FRMD3: variants seen among roughly 807,000 people sequenced by gnomAD.
FRMD3 encodes FERM domain containing 3.
In FRMD3, 33 loss-of-function variants were observed where a neutral mutation model predicts 70.2. That is an observed-to-expected ratio of 0.47 (90% CI 0.36 to 0.63). The LOEUF is 0.63. FRMD3 is among the 20% of genes least tolerant of loss of function. The pLI is 0.00. For synonymous variants in FRMD3, 279 were observed against 255.9 expected (o/e 1.09, Z -0.86); for missense variants, 632 against 711.4 (o/e 0.89, Z 1.27).
chr9:83,278,246 A>C (rs1833858687), intron 13 of FRMD3, among the ~76,000 whole-genome samples: 1 of 152,190 alleles, frequency 6.6e-6, no homozygotes, highest in African/African-American at 2.4e-5. Flanking sequence ...AACGGGAAAC[A>C]GTCTGAGGGG....
chr9:83,389,628 G>C lies in FRMD3; in HGVS notation c.228C>G (p.Arg76=). 1 of 1,613,592 alleles carries C rather than the reference G, an allele frequency of 6.2e-7. No homozygotes were observed. The highest frequency in any genetic ancestry group is 1.3e-5 in the African/African-American group (1 of 75,000). The change falls in exon 2 of 14, where the codon CGC becomes CGG. Residue 76 remains arginine, a synonymous_variant. Coordinates refer to ENST00000304195, the MANE Select transcript of FRMD3 (RefSeq NM_174938.6). The part of the protein sequence containing the change: ...SLLEKDYFGI[R]YVDPEKQRHW... ...CCCTTTGCTTCTCTGGGTCCACATA[G>C]CGAATGCCAAAGTAGTCCTTCTCCA...
intron 1 of FRMD3, among the ~76,000 whole-genome samples, chr9:83,398,382 C>CTA (rs1825862600): frequency 6.6e-6 from 1 of 152,096 alleles, no homozygotes; most frequent in Non-Finnish European, 1.5e-5. Context: ...AATATTAAAG[C>CTA]TATTTAAATG....
At chr9:83,350,191 A>C (rs1031065359) in intron 3 of FRMD3, among the ~76,000 whole-genome samples, 6 of 152,234 alleles carry the variant, frequency 3.9e-5, no homozygotes, top group African/African-American at 1.4e-4. Context: ...ATGTCACTGC[A>C]CATGACTAGT....
chr9:83,471,434 C>T (rs1828265809), intron 1 of FRMD3, among the ~76,000 whole-genome samples: 1 of 152,140 alleles, frequency 6.6e-6, no homozygotes, highest in Non-Finnish European at 1.5e-5. Context: ...GTTCCTCTTT[C>T]ACCATTTTGA....
At chr9:83,532,479 T>A (rs961580247) in intron 1 of FRMD3, among the ~76,000 whole-genome samples, 1 of 152,186 alleles carries the variant, frequency 6.6e-6, no homozygotes, top group Non-Finnish European at 1.5e-5. Context: ...ATACAAAGAT[T>A]GCCTAAAAAA....
intron 1 of FRMD3, among the ~76,000 whole-genome samples, chr9:83,515,195 CCT>C (rs1474962184): frequency 2.0e-5 from 3 of 152,114 alleles, no homozygotes; most frequent in African/African-American, 7.2e-5. Flanking sequence ...CATGTTCTAA[CCT>C]AATGCAAGGA....
At chr9:83,469,524 A>G (rs1177721840) in intron 1 of FRMD3, among the ~76,000 whole-genome samples, 1 of 152,248 alleles carries the variant, frequency 6.6e-6, no homozygotes, top group Non-Finnish European at 1.5e-5. Context: ...GAGAAAAAGG[A>G]GTCATCTCTT....
intron 2 of FRMD3, among the ~76,000 whole-genome samples, chr9:83,385,891 TA>T (rs1186141572): frequency 6.6e-6 from 1 of 152,170 alleles, no homozygotes; most frequent in East Asian, 1.9e-4. Flanking sequence ...CCCCTGCCTT[TA>T]AAAGATGTTC....
intron 1 of FRMD3, among the ~76,000 whole-genome samples, chr9:83,412,414 A>T (rs1460510387): frequency 1.3e-5 from 2 of 152,260 alleles, no homozygotes; most frequent in Admixed American, 6.5e-5. Flanking sequence ...GGAATTTTTA[A>T]GATATATAGT....
rs186362835 is a variant in FRMD3, at chr9:83,508,458, A to C, written c.147+29627T>G. Reference sequence around the variant, plus strand: ...TAGAAAAAAAAGTAGTTTATAGATTATTCTTTTGACTATTGTTAACAAATG... The same window carrying C: ...TAGAAAAAAAAGTAGTTTATAGATTCTTCTTTTGACTATTGTTAACAAATG... On this transcript the variant is annotated intron_variant, in intron 1 of 13. Coordinates refer to ENST00000304195, the MANE Select transcript of FRMD3 (RefSeq NM_174938.6). 6.6e-4 allele frequency among the ~76,000 whole-genome samples: 101 copies of C among 152,320 alleles called. 1 individual carries two copies. Among genetic ancestry groups the C allele is most frequent in the Admixed American group, 3.2e-3 (49 of 15,294 alleles).
At chr9:83,262,798 G>C (rs911680276) in intron 13 of FRMD3, among the ~76,000 whole-genome samples, 1 of 152,104 alleles carries the variant, frequency 6.6e-6, no homozygotes, top group East Asian at 1.9e-4. Flanking sequence ...TGTCCTCTGG[G>C]AAGGCTCTCC....
intron 1 of FRMD3, among the ~76,000 whole-genome samples, chr9:83,408,199 T>TAG (rs1479203900): frequency 1.3e-5 from 2 of 152,220 alleles, no homozygotes; most frequent in Non-Finnish European, 2.9e-5. Context: ...AAAGAATGTA[T>TAG]GGCTATCTTT....
At chr9:83,289,925 A>G (rs533749148) in intron 13 of FRMD3, among the ~76,000 whole-genome samples, 3 of 152,366 alleles carry the variant, frequency 2.0e-5, no homozygotes, top group African/African-American at 7.2e-5. Context: ...AAAGATGCCT[A>G]GAAACACACA....
At chr9:83,513,060 A>T (rs1436182747) in intron 1 of FRMD3, among the ~76,000 whole-genome samples, 2 of 152,216 alleles carry the variant, frequency 1.3e-5, no homozygotes, top group Admixed American at 1.3e-4. Context: ...AGAGAGAATA[A>T]GGGTGCTTAG....
intron 1 of FRMD3, among the ~76,000 whole-genome samples, chr9:83,397,643 A>G (rs998740871): frequency 6.6e-6 from 1 of 152,132 alleles, no homozygotes; most frequent in African/African-American, 2.4e-5. Flanking sequence ...CAGAAGTGGG[A>G]GCTGTGAGGC....
chr9:83,456,571 C>A (rs948981260), intron 1 of FRMD3, among the ~76,000 whole-genome samples: 1 of 152,158 alleles, frequency 6.6e-6, no homozygotes, highest in Non-Finnish European at 1.5e-5. Flanking sequence ...ATGTAATGCA[C>A]CATGTATTAT....
At chr9:83,345,575 G>C (rs1823928366) in intron 4 of FRMD3, among the ~76,000 whole-genome samples, 1 of 152,000 alleles carries the variant, frequency 6.6e-6, no homozygotes, top group Non-Finnish European at 1.5e-5. Context: ...GGCTAACATG[G>C]TGAAACCTCG....
intron 1 of FRMD3, among the ~76,000 whole-genome samples, chr9:83,416,034 T>C (rs995654040): frequency 7.9e-5 from 12 of 152,250 alleles, no homozygotes; most frequent in African/African-American, 1.9e-4. Flanking sequence ...CCCCTAGAAA[T>C]AGCAAGTAAA....
intron 1 of FRMD3, among the ~76,000 whole-genome samples, chr9:83,446,570 C>T (rs572228206): frequency 9.8e-5 from 14 of 142,220 alleles, no homozygotes; most frequent in Non-Finnish European, 2.1e-4. Context: ...TGGCGTGAAA[C>T]GGGGAGGCAG....
Sources: allele counts gnomAD v4.1 joint callset (sites outside exome capture counted in the v4.1 genomes callset), GRCh38; gene constraint gnomAD v4.1.1; transcripts MANE v1.5; gene names NCBI Gene and HGNC (gene_info 2026-07-23, HGNC 2026-07-21).